Variants in KSR2 observed in about 807,000 individuals in gnomAD.
The protein encoded by KSR2 is kinase suppressor of ras 2.
KSR2 carries 25 observed loss-of-function variants against 107.8 expected under a neutral mutation model. The ratio of observed to expected loss-of-function variants is 0.23; its 90% CI spans 0.17 to 0.32. KSR2 has a LOEUF of 0.32. Ranked by LOEUF, KSR2 falls within the 10% of genes least tolerant of loss-of-function variation. KSR2 has a pLI of 1.00. For synonymous variants in KSR2, 480 were observed against 507.0 expected, an observed-to-expected ratio of 0.95 and a Z score of 0.71; for missense variants, 887 against 1,268.9, an observed-to-expected ratio of 0.70 and a Z score of 4.57.
At chr12:117,511,421 CCAAA>C (rs78011350) in intron 14 of KSR2, among the ~76,000 whole-genome samples, 13,277 of 152,196 alleles carry the variant, frequency 0.087, 641 homozygotes, top group East Asian at 0.22. Context: ...AAAAGAATAA[CCAAA>C]CAAAGATTTT....
intron 3 of KSR2, among the ~76,000 whole-genome samples, chr12:117,781,352 A>G (rs78268753): frequency 0.063 from 9,562 of 152,254 alleles, 341 homozygotes; most frequent in East Asian, 0.12. Context: ...TTCATTAAGC[A>G]AAGAAAGAGG....
At chr12:117,773,103 T>A (rs368097067) in intron 3 of KSR2, among the ~76,000 whole-genome samples, 14 of 152,224 alleles carry the variant, frequency 9.2e-5, no homozygotes, top group African/African-American at 3.4e-4. Flanking sequence ...CTGTATTGTA[T>A]CAACTCTTCC....
At chr12:117,575,519 A>C (rs1028993293) in intron 7 of KSR2, among the ~76,000 whole-genome samples, 6 of 152,236 alleles carry the variant, frequency 3.9e-5, no homozygotes, top group Non-Finnish European at 4.4e-5. Flanking sequence ...AAATTCTGCC[A>C]ATCTTTGAAA....
intron 1 of KSR2, among the ~76,000 whole-genome samples, chr12:117,952,731 C>T (rs1041111689): frequency 6.6e-6 from 1 of 151,970 alleles, no homozygotes; most frequent in African/African-American, 2.4e-5. Context: ...CACCTGAAAT[C>T]CCAGCACTTT....
At position 117,453,074 on chromosome 12, in the gene KSR2, G is replaced by C. The variant is rs1472711883; in HGVS notation, c.*14125C>G. On this transcript the variant is annotated 3_prime_UTR_variant, in exon 20 of 20. Coordinates refer to ENST00000339824, the MANE Select transcript of KSR2 (RefSeq NM_173598.6). ...TGCAGTAATTCTCAAATTTTTTATT[G>C]GCATAAATAATTCAGACATTGGTTT... The C allele has an allele frequency of 6.6e-6, 1 of 152,508 alleles. No individual in the cohort carries two copies. Among genetic ancestry groups the C allele is most frequent in the South Asian group, 2.1e-4 (1 of 4,822 alleles). 9.4% of individuals were successfully genotyped at this position (152,508 alleles called of 1,614,324 possible).
At chr12:117,601,495 C>G (rs1880953476) in intron 5 of KSR2, among the ~76,000 whole-genome samples, 1 of 152,062 alleles carries the variant, frequency 6.6e-6, no homozygotes, top group African/African-American at 2.4e-5. Flanking sequence ...GAGACCCACA[C>G]AGAGGGAAGA....
At chr12:117,881,183 T>C (rs1378584404) in intron 1 of KSR2, among the ~76,000 whole-genome samples, 1 of 152,202 alleles carries the variant, frequency 6.6e-6, no homozygotes, top group Non-Finnish European at 1.5e-5. Context: ...AATGAATGAA[T>C]GAATGATGTG....
intron 5 of KSR2, among the ~76,000 whole-genome samples, chr12:117,613,924 T>C (rs4766862): frequency 0.73 from 111,462 of 152,050 alleles, 41,688 homozygotes; most frequent in South Asian, 0.91. Context: ...CTCTTCATCC[T>C]TGCCTCAGGC....
chr12:117,505,286 A>T (rs1421775479), intron 14 of KSR2, among the ~76,000 whole-genome samples: 1 of 152,174 alleles, frequency 6.6e-6, no homozygotes, highest in Admixed American at 6.6e-5. Flanking sequence ...AGCACACTGA[A>T]GGTGGGTGGG....
At chr12:117,881,529 A>G (rs1045567963) in intron 1 of KSR2, among the ~76,000 whole-genome samples, 1 of 152,228 alleles carries the variant, frequency 6.6e-6, no homozygotes, top group Non-Finnish European at 1.5e-5. Flanking sequence ...TCTCCCAAGA[A>G]TCTCAACAGC....
intron 4 of KSR2, among the ~76,000 whole-genome samples, chr12:117,727,647 C>G (rs1358095994): frequency 6.6e-6 from 1 of 152,082 alleles, no homozygotes; most frequent in East Asian, 1.9e-4. Context: ...CCATCAGAAG[C>G]TGGGAGAGGC....
intron 2 of KSR2, 33 bp from the exon 3 acceptor site, chr12:117,855,611 G>A: frequency 6.2e-7 from 1 of 1,611,380 alleles, no homozygotes; most frequent in Non-Finnish European, 8.5e-7. Flanking sequence ...TCAACCGTGG[G>A]GCAGGAACAG....
At chr12:117,813,990 G>A (rs1158403971) in intron 3 of KSR2, among the ~76,000 whole-genome samples, 1 of 152,194 alleles carries the variant, frequency 6.6e-6, no homozygotes, top group Non-Finnish European at 1.5e-5. Context: ...GGTATAACTG[G>A]AGGACATTAT....
intron 14 of KSR2, among the ~76,000 whole-genome samples, chr12:117,511,472 G>T (rs1874022786): frequency 6.6e-6 from 1 of 152,156 alleles, no homozygotes; most frequent in African/African-American, 2.4e-5. Flanking sequence ...AGCCTGGCAG[G>T]GTTAGGACTC....
intron 4 of KSR2, among the ~76,000 whole-genome samples, chr12:117,706,137 G>A (rs546809442): frequency 5.3e-5 from 8 of 149,974 alleles, no homozygotes; most frequent in African/African-American, 1.7e-4. Context: ...TCTGCCCCGC[G>A]GGTTCAAACA....
intron 4 of KSR2, among the ~76,000 whole-genome samples, chr12:117,715,630 A>T (rs567961491): frequency 1.6e-4 from 24 of 152,234 alleles, no homozygotes; most frequent in Non-Finnish European, 2.8e-4. Context: ...GTTAAGGGCC[A>T]GAAAGTAAAT....
chr12:117,630,423 G>A (rs1011736334), intron 5 of KSR2, among the ~76,000 whole-genome samples: 4 of 152,072 alleles, frequency 2.6e-5, no homozygotes, highest in African/African-American at 9.7e-5. Context: ...AAAGGAAGAG[G>A]GGTTGGAAGG....
At chr12:117,636,913 A>G (rs1883113151) in intron 5 of KSR2, among the ~76,000 whole-genome samples, 1 of 152,166 alleles carries the variant, frequency 6.6e-6, no homozygotes, top group Non-Finnish European at 1.5e-5. Context: ...ATACCAAAGC[A>G]TTAGAATTCA....
intron 4 of KSR2, among the ~76,000 whole-genome samples, chr12:117,706,573 A>C (rs1886538614): frequency 6.6e-6 from 1 of 152,070 alleles, no homozygotes; most frequent in South Asian, 2.1e-4. Flanking sequence ...AAAGCCGATC[A>C]GTGGTTGCCT....
Sources: gnomAD v4.1 joint callset for allele counts (sites outside exome capture counted in the v4.1 genomes callset) on GRCh38, gnomAD v4.1.1 for gene constraint, MANE v1.5 for transcripts, NCBI Gene and HGNC (gene_info 2026-07-23, HGNC 2026-07-21) for gene names.